The following ST6GALNAC3 variants were observed in gnomAD, a reference collection of about 807,000 sequenced individuals.
ST6GALNAC3 encodes the protein alpha-N-acetylgalactosaminide alpha-2,6-sialyltransferase 3.
A neutral mutation model predicts 32.7 loss-of-function variants in ST6GALNAC3; 25 were observed. The observed-to-expected ratio is 0.76, with a 90% confidence interval of 0.56 to 1.07. ST6GALNAC3 has a LOEUF of 1.07. ST6GALNAC3 is among the 50% of genes least tolerant of loss of function. ST6GALNAC3 has a pLI of 0.00. For missense variants in ST6GALNAC3, 355 were observed against 382.4 expected, an observed-to-expected ratio of 0.93 and a Z score of 0.60; for synonymous variants, 129 against 133.1, an observed-to-expected ratio of 0.97 and a Z score of 0.21.
intron 3 of ST6GALNAC3, among the ~76,000 whole-genome samples, chr1:76,430,649 GC>G (rs1295872082): frequency 2.0e-5 from 3 of 151,792 alleles, no homozygotes; most frequent in African/African-American, 7.3e-5. Flanking sequence ...TATTTTTCTC[GC>G]CCTGTATCTT....
At chr1:76,456,788 G>A (rs1391769916) in intron 3 of ST6GALNAC3, among the ~76,000 whole-genome samples, 4 of 152,052 alleles carry the variant, frequency 2.6e-5, no homozygotes, top group South Asian at 2.1e-4. Context: ...TTTGAAAACT[G>A]GCACAAGACA....
chr1:76,555,821 G>T (rs1664884683), intron 3 of ST6GALNAC3, among the ~76,000 whole-genome samples: 1 of 152,002 alleles, frequency 6.6e-6, no homozygotes, highest in Admixed American at 6.6e-5. Context: ...TGGGTACCAG[G>T]AAAATTCAAT....
At chr1:76,574,657 A>G (rs892446672) in intron 3 of ST6GALNAC3, among the ~76,000 whole-genome samples, 2 of 152,096 alleles carry the variant, frequency 1.3e-5, no homozygotes, top group African/African-American at 4.8e-5. Context: ...TCTGGGAACT[A>G]TCTCAGGCAG....
chr1:76,331,276 G>A (rs1201257891), intron 2 of ST6GALNAC3, among the ~76,000 whole-genome samples: 1 of 152,194 alleles, frequency 6.6e-6, no homozygotes, highest in African/African-American at 2.4e-5. Flanking sequence ...TGAGAAAGAA[G>A]TGGTTGCTTT....
At chr1:76,120,408 T>C (rs1289367704) in intron 1 of ST6GALNAC3, among the ~76,000 whole-genome samples, 1 of 152,238 alleles carries the variant, frequency 6.6e-6, no homozygotes, top group African/African-American at 2.4e-5. Context: ...AAAAGGTCTC[T>C]GTGAGAAATG....
chr1:76,308,050 A>G (rs1661170480), intron 1 of ST6GALNAC3: 1 of 320,158 alleles, frequency 3.1e-6, no homozygotes. Context: ...AATGAAGAAC[A>G]AAGAAGGAGA....
intron 3 of ST6GALNAC3, among the ~76,000 whole-genome samples, chr1:76,505,901 G>A (rs1231562319): frequency 2.0e-5 from 3 of 152,028 alleles, no homozygotes; most frequent in African/African-American, 7.2e-5. Flanking sequence ...TGTCGATTTG[G>A]CCATTCATAC....
intron 1 of ST6GALNAC3, among the ~76,000 whole-genome samples, chr1:76,081,279 G>A (rs1284957224): frequency 1.4e-5 from 2 of 142,480 alleles, no homozygotes; most frequent in Non-Finnish European, 3.0e-5. Flanking sequence ...ATGACAGCTG[G>A]TGAGCTAAAA....
intron 1 of ST6GALNAC3, among the ~76,000 whole-genome samples, chr1:76,091,014 G>C (rs901105399): frequency 6.6e-6 from 1 of 152,056 alleles, no homozygotes; most frequent in South Asian, 2.1e-4. Flanking sequence ...TTGCAATTGC[G>C]CAGGCCGAAT....
chr1:76,152,365 G>A (rs1241578300), intron 1 of ST6GALNAC3, among the ~76,000 whole-genome samples: 1 of 152,172 alleles, frequency 6.6e-6, no homozygotes, highest in Non-Finnish European at 1.5e-5. Flanking sequence ...TTATCACAGA[G>A]AAGCAGCTTC....
intron 2 of ST6GALNAC3, among the ~76,000 whole-genome samples, chr1:76,322,061 C>T (rs1031751569): frequency 6.6e-6 from 1 of 152,142 alleles, no homozygotes; most frequent in Non-Finnish European, 1.5e-5. Flanking sequence ...CATTTGCCAA[C>T]TATCTTGTTA....
chr1:76,095,871 G>A (rs1301857778), intron 1 of ST6GALNAC3, among the ~76,000 whole-genome samples: 1 of 152,120 alleles, frequency 6.6e-6, no homozygotes, highest in Non-Finnish European at 1.5e-5. Flanking sequence ...TGAATGTCTT[G>A]TAAACGTGTG....
chr1:76,334,821 C>A (rs897877058), intron 2 of ST6GALNAC3, among the ~76,000 whole-genome samples: 3 of 152,186 alleles, frequency 2.0e-5, no homozygotes, highest in Admixed American at 6.5e-5. Flanking sequence ...GGCCCCAGCC[C>A]CAGGGTTTCC....
At chr1:76,613,184 T>C (rs1648047095) in intron 3 of ST6GALNAC3, among the ~76,000 whole-genome samples, 2 of 152,198 alleles carry the variant, frequency 1.3e-5, no homozygotes. Context: ...TTTAAGACAC[T>C]GAGATTAATT....
intron 2 of ST6GALNAC3, among the ~76,000 whole-genome samples, chr1:76,350,986 A>G (rs556042767): frequency 6.6e-6 from 1 of 152,316 alleles, no homozygotes; most frequent in South Asian, 2.1e-4. Context: ...AAAGTGTTTA[A>G]CTAAGTACAA....
intron 2 of ST6GALNAC3, among the ~76,000 whole-genome samples, chr1:76,368,805 T>C (rs1186213132): frequency 1.3e-5 from 2 of 152,188 alleles, no homozygotes; most frequent in Admixed American, 6.5e-5. Flanking sequence ...TAACTATATC[T>C]CGGCTCCAGT....
In ST6GALNAC3 at chr1:76,144,775, A is replaced by ACACAT. The variant is rs1650572065; in HGVS notation, c.18+69891_18+69892insCACAT. 4.6e-5 allele frequency among the ~76,000 whole-genome samples: 7 copies of ACACAT among 152,308 alleles called. No homozygotes were observed. In the South Asian group the frequency reaches 1.4e-3, roughly 32 times the overall value. ...TGACATAGATGACAGTTGTGTCCTG[A>ACACAT]AGTCTGATAGCTTCTATGAATTTCT... On this transcript the variant is annotated intron_variant, in intron 1 of 4. Transcript: ENST00000328299.
chr1:76,209,425 C>A (rs1655015292), intron 1 of ST6GALNAC3, among the ~76,000 whole-genome samples: 1 of 152,146 alleles, frequency 6.6e-6, no homozygotes, highest in African/African-American at 2.4e-5. Context: ...GTACTGAATG[C>A]CAGCCTGTGC....
chr1:76,567,684 T>C (rs975452021), intron 3 of ST6GALNAC3, among the ~76,000 whole-genome samples: 6 of 152,226 alleles, frequency 3.9e-5, no homozygotes, highest in African/African-American at 1.4e-4. Context: ...CTGGTACTTA[T>C]GAGAAATAGA....
Sources: gnomAD v4.1 joint callset for allele counts (sites outside exome capture counted in the v4.1 genomes callset) on GRCh38, gnomAD v4.1.1 for gene constraint, MANE v1.5 for transcripts, NCBI Gene and HGNC (gene_info 2026-07-23, HGNC 2026-07-21) for gene names.